CD247: variants seen among roughly 807,000 people sequenced by gnomAD.
CD247 encodes CD247 molecule.
In CD247, 13 loss-of-function variants were observed where a neutral mutation model predicts 30.0. The observed-to-expected ratio is 0.43, with a 90% CI of 0.28 to 0.69. The LOEUF is 0.69. Ranked by LOEUF, CD247 falls within the 30% of genes least tolerant of loss-of-function variation. The pLI is 0.16. For missense variants in CD247, 193 were observed against 212.6 expected, an observed-to-expected ratio of 0.91 and a Z score of 0.57; for synonymous variants, 72 against 80.0, an observed-to-expected ratio of 0.90 and a Z score of 0.53.
chr1:167,498,249 T>A (rs1241587892), intron 1 of CD247, among the ~76,000 whole-genome samples: 4 of 152,190 alleles, frequency 2.6e-5, no homozygotes, highest in African/African-American at 9.7e-5. Flanking sequence ...CCAGGTAAGA[T>A]CAACTGCTAA....
At chr1:167,440,496 C>T in intron 2 of CD247, 168 bp downstream of exon 2, 1 of 667,186 alleles carries the variant, frequency 1.5e-6, no homozygotes, top group Non-Finnish European at 2.7e-6. Context: ...ACACTGCCAC[C>T]TCCTCCTCAG....
intron 1 of CD247, 43 bp from the exon 2 acceptor site, chr1:167,440,810 G>A (rs7531628): frequency 8.6e-6 from 11 of 1,285,522 alleles, no homozygotes; most frequent in Admixed American, 7.0e-5. Flanking sequence ...CCAAGGTGAC[G>A]AGAACACATC....
At chr1:167,464,507 A>G (rs75208669) in intron 1 of CD247, among the ~76,000 whole-genome samples, 3,506 of 152,282 alleles carry the variant, frequency 0.023, 144 homozygotes, top group African/African-American at 0.08. Context: ...AGGAAACTCC[A>G]TGGGGAGAAG....
At chr1:167,444,930 C>CTT (rs748938948) in intron 1 of CD247, among the ~76,000 whole-genome samples, 5 of 144,498 alleles carry the variant, frequency 3.5e-5, no homozygotes, top group Non-Finnish European at 7.6e-5. Flanking sequence ...AAATACGATA[C>CTT]TTTTTTTTTT....
chr1:167,460,483 G>A (rs1652948034), intron 1 of CD247, among the ~76,000 whole-genome samples: 1 of 152,194 alleles, frequency 6.6e-6, no homozygotes, highest in East Asian at 1.9e-4. Flanking sequence ...ATATACCTGT[G>A]CTTCAGAAAA....
intron 1 of CD247, among the ~76,000 whole-genome samples, chr1:167,473,646 C>T (rs953828997): frequency 3.9e-5 from 6 of 152,202 alleles, no homozygotes; most frequent in East Asian, 3.8e-4. Context: ...GGCAAGTCCA[C>T]GTTCTCTCTT....
At chr1:167,485,169 T>C (rs1558020696) in intron 1 of CD247, among the ~76,000 whole-genome samples, 1 of 152,152 alleles carries the variant, frequency 6.6e-6, no homozygotes, top group Non-Finnish European at 1.5e-5. Flanking sequence ...CCTGGGGTCT[T>C]TTCTGCCTTC....
At chr1:167,450,925 A>C (rs1386655521) in intron 1 of CD247, among the ~76,000 whole-genome samples, 1 of 151,788 alleles carries the variant, frequency 6.6e-6, no homozygotes, top group African/African-American at 2.4e-5. Context: ...AAAAAAAAAA[A>C]AAGAAAAGAA....
Position 167,434,072 on chromosome 1 carries a change from A to G in CD247, c.341T>C (p.Leu114Pro). The change falls in exon 6 of 8, where the codon CTG becomes CCG. Residue 114 changes from leucine to proline, a missense_variant. Physicochemically the swap from Leu to Pro is moderately conservative, Grantham distance 98. Transcript: ENST00000362089. ...GGCCTCCGCCATCTTATCTTTCTGCAGTTCCTGCAGAAGAGGGCGTGGAAC... is the reference window on the plus strand; with the variant it reads ...GGCCTCCGCCATCTTATCTTTCTGCGGTTCCTGCAGAAGAGGGCGTGGAAC... ...KNPQEGLYNELQKDKMAEAYS... is the reference protein window; with the variant it reads ...KNPQEGLYNEPQKDKMAEAYS... 2 of 1,614,032 alleles carry G rather than the reference A, an allele frequency of 1.2e-6. No homozygotes were observed. Among genetic ancestry groups the G allele is most frequent in the East Asian group, 4.5e-5 (2 of 44,888 alleles).
rs975710904 is a variant in CD247, at chr1:167,448,331, C to T, written c.59-7564G>A. The T allele has an allele frequency of 8.1e-6, 8 of 984,358 alleles. No individual in the cohort carries two copies. In the Admixed American group the frequency reaches 3.7e-4, roughly 45 times the overall value. The allele number at this position is 984,358 out of a possible 1,614,324, so 61.0% of individuals were successfully genotyped here. ...TCCACAGTCCAGGTCTTAACCACCA[C>T]TTGGTACTGACCTTCAAAGACTTGC... On this transcript the variant is annotated intron_variant, in intron 1 of 7. Coordinates refer to ENST00000362089, the MANE Select transcript of CD247 (RefSeq NM_198053.3).
intron 1 of CD247, among the ~76,000 whole-genome samples, chr1:167,476,716 T>C (rs979660960): frequency 6.6e-6 from 1 of 152,120 alleles, no homozygotes; most frequent in South Asian, 2.1e-4. Flanking sequence ...CCCAGCTACT[T>C]GGGAGGCTGA....
intron 1 of CD247, among the ~76,000 whole-genome samples, chr1:167,467,207 G>A (rs1653296328): frequency 6.6e-6 from 1 of 151,300 alleles, no homozygotes; most frequent in Non-Finnish European, 1.5e-5. Context: ...GCTCATTGCG[G>A]TGCACTTTTA....
At chr1:167,495,586 T>A (rs1168628517) in intron 1 of CD247, among the ~76,000 whole-genome samples, 1 of 152,198 alleles carries the variant, frequency 6.6e-6, no homozygotes, top group Non-Finnish European at 1.5e-5. Context: ...TATAATCATG[T>A]ATCTTTTCTG....
At chr1:167,432,696 A>G (rs145673490) in intron 7 of CD247, among the ~76,000 whole-genome samples, 2 of 152,350 alleles carry the variant, frequency 1.3e-5, no homozygotes, top group East Asian at 1.9e-4. Flanking sequence ...CAAGAACCCA[A>G]AGAGGCAGGA....
intron 4 of CD247, among the ~76,000 whole-genome samples, chr1:167,436,590 C>T (rs770320606): frequency 1.2e-4 from 18 of 152,042 alleles, no homozygotes; most frequent in African/African-American, 2.2e-4. Context: ...TATCTCACAC[C>T]GTATACAAAA....
chr1:167,456,255 C>G (rs150044530), intron 1 of CD247, among the ~76,000 whole-genome samples: 425 of 152,048 alleles, frequency 2.8e-3, no homozygotes, highest in Non-Finnish European at 5.2e-3. Context: ...GAATACATGC[C>G]GGCACTGCCT....
intron 1 of CD247, among the ~76,000 whole-genome samples, chr1:167,475,361 C>A (rs192959733): frequency 2.1e-4 from 32 of 152,200 alleles, no homozygotes; most frequent in African/African-American, 7.7e-4. Flanking sequence ...GGCATCATGT[C>A]ATTTTATCTA....
At chr1:167,508,151 G>A (rs996838754) in intron 1 of CD247, among the ~76,000 whole-genome samples, 2 of 152,148 alleles carry the variant, frequency 1.3e-5, no homozygotes, top group African/African-American at 4.8e-5. Flanking sequence ...TCTATTCACA[G>A]CCCATTTCTG....
intron 1 of CD247, among the ~76,000 whole-genome samples, chr1:167,488,925 G>A (rs1350898402): frequency 6.6e-6 from 1 of 152,192 alleles, no homozygotes; most frequent in Non-Finnish European, 1.5e-5. Context: ...CTGCCAGGAG[G>A]GTTTTCTGAA....
Sources: allele counts gnomAD v4.1 joint callset (sites outside exome capture counted in the v4.1 genomes callset), GRCh38; gene constraint gnomAD v4.1.1; transcripts MANE v1.5; gene names NCBI Gene and HGNC (gene_info 2026-07-23, HGNC 2026-07-21).